The following TTC28 variants were observed in gnomAD, a reference collection of about 807,000 sequenced individuals.
The protein encoded by TTC28 is tetratricopeptide repeat domain 28.
In TTC28, 61 loss-of-function variants were observed where a neutral mutation model predicts 198.0. That is an observed-to-expected ratio of 0.31 (90% CI 0.25 to 0.38). The LOEUF (loss-of-function observed/expected upper bound fraction) is 0.38, where lower values mean the gene tolerates loss of function less well. TTC28 is among the 10% of genes least tolerant of loss of function. TTC28 has a pLI of 1.00. For missense variants in TTC28, 2,678 were observed against 3,164.0 expected, an observed-to-expected ratio of 0.85 and a Z score of 3.69; for synonymous variants, 1,171 against 1,297.8, an observed-to-expected ratio of 0.90 and a Z score of 2.10.
intron 14 of TTC28, among the ~76,000 whole-genome samples, chr22:28,012,036 C>T (rs991582349): frequency 6.6e-6 from 1 of 152,226 alleles, no homozygotes; most frequent in Non-Finnish European, 1.5e-5. Flanking sequence ...TCCAAATAAC[C>T]TTCAGAGGAG....
chr22:28,322,398 T>C (rs1355447713), intron 2 of TTC28, among the ~76,000 whole-genome samples: 1 of 152,194 alleles, frequency 6.6e-6, no homozygotes, highest in Admixed American at 6.5e-5. Context: ...TTATCTATTA[T>C]ATAGGCTTTT....
rs577299336 is a variant in TTC28 at position 28,608,324 on chromosome 22, C to T, written c.381+21228G>A. Among the ~76,000 whole-genome samples the T allele has an allele frequency of 3.9e-5, 6 of 152,260 alleles. No individual in the cohort carries two copies. In the South Asian group the frequency reaches 1.2e-3, roughly 32 times the overall value. On this transcript the variant is annotated intron_variant, in intron 2 of 22. Coordinates refer to ENST00000397906, the MANE Select transcript of TTC28 (RefSeq NM_001145418.2). Reference sequence around the variant, plus strand: ...AAATACCCCACCCCCAGAAAATTACCACTATTTGACCTGTCTGGCAGCTTC... The same window carrying T: ...AAATACCCCACCCCCAGAAAATTACTACTATTTGACCTGTCTGGCAGCTTC...
At chr22:28,469,563 G>A (rs1462955695) in intron 2 of TTC28, among the ~76,000 whole-genome samples, 1 of 152,156 alleles carries the variant, frequency 6.6e-6, no homozygotes, top group East Asian at 1.9e-4. Flanking sequence ...GGGAGGCAGA[G>A]GGAGATTTTA....
At position 28,526,408 on chromosome 22, in the gene TTC28, T is replaced by TAAAAAATAACTATTTGAAGGC. The variant is rs2049004918; in HGVS notation, c.381+103123_381+103143dup. Among the ~76,000 whole-genome samples the TAAAAAATAACTATTTGAAGGC allele has an allele frequency of 3.9e-5, 6 of 152,294 alleles. No individual in the cohort carries two copies. In the South Asian group the frequency reaches 1.2e-3, roughly 32 times the overall value. ...ACATTACAAATTCTGAACAAAGTAT[T>TAAAAAATAACTATTTGAAGGC]AAAAAATAACTATTTGAAGGCAAAG... On this transcript the variant is annotated intron_variant, in intron 2 of 22. Transcript: ENST00000397906.
chr22:28,092,465 G>A (rs1478604278), intron 12 of TTC28, among the ~76,000 whole-genome samples: 1 of 152,166 alleles, frequency 6.6e-6, no homozygotes, highest in African/African-American at 2.4e-5. Flanking sequence ...CTTTTCAGTG[G>A]GACCTTGTGT....
At chr22:28,138,238 G>A (rs2146980902) in intron 6 of TTC28, among the ~76,000 whole-genome samples, 1 of 152,194 alleles carries the variant, frequency 6.6e-6, no homozygotes, top group African/African-American at 2.4e-5. Context: ...ATCTGACACA[G>A]AAATCATTAT....
At chr22:27,996,839 A>G (rs1937561977) in intron 16 of TTC28, among the ~76,000 whole-genome samples, 1 of 152,218 alleles carries the variant, frequency 6.6e-6, no homozygotes. Flanking sequence ...TCATGTAGGG[A>G]AAGGGTTTTC....
At chr22:28,674,695 TGTA>T (rs2051950918) in intron 1 of TTC28, among the ~76,000 whole-genome samples, 3 of 151,734 alleles carry the variant, frequency 2.0e-5, no homozygotes, top group Admixed American at 2.0e-4. Context: ...GGTGCACATC[TGTA>T]ATCCCAACTA....
intron 2 of TTC28, among the ~76,000 whole-genome samples, chr22:28,318,380 G>GT (rs1190356546): frequency 6.6e-6 from 1 of 152,162 alleles, no homozygotes; most frequent in East Asian, 1.9e-4. Context: ...TTTGCACCCA[G>GT]TAAGTGCATC....
chr22:28,635,502 A>G (rs1479839870), intron 1 of TTC28, among the ~76,000 whole-genome samples: 1 of 152,204 alleles, frequency 6.6e-6, no homozygotes, highest in East Asian at 1.9e-4. Flanking sequence ...GTCAACATAT[A>G]TTAACATTGC....
intron 12 of TTC28, among the ~76,000 whole-genome samples, chr22:28,040,943 T>C (rs552071271): frequency 4.5e-4 from 69 of 151,998 alleles, no homozygotes; most frequent in African/African-American, 1.4e-3. Flanking sequence ...ACACCAATAA[T>C]AGACAAACAG....
chr22:28,357,920 C>T (rs2046103214), intron 2 of TTC28, among the ~76,000 whole-genome samples: 1 of 152,010 alleles, frequency 6.6e-6, no homozygotes, highest in South Asian at 2.1e-4. Flanking sequence ...CATCAAAATG[C>T]CAGATAGATA....
intron 12 of TTC28, among the ~76,000 whole-genome samples, chr22:28,043,773 G>C (rs1326137030): frequency 1.3e-5 from 2 of 152,138 alleles, no homozygotes; most frequent in Admixed American, 6.5e-5. Context: ...TGTGTCCTCA[G>C]GGACCTGTGT....
chr22:28,575,007 G>A (rs2050123570), intron 2 of TTC28, among the ~76,000 whole-genome samples: 1 of 152,014 alleles, frequency 6.6e-6, no homozygotes, highest in Non-Finnish European at 1.5e-5. Context: ...TGTTTCCTTT[G>A]CTGTGCAGAA....
intron 2 of TTC28, among the ~76,000 whole-genome samples, chr22:28,620,996 A>C (rs2050985868): frequency 1.3e-5 from 2 of 152,302 alleles, no homozygotes; most frequent in East Asian, 3.9e-4. Context: ...ATTTAAAGAG[A>C]ACCCATTTTT....
intron 4 of TTC28, among the ~76,000 whole-genome samples, chr22:28,297,282 G>C (rs2145783080): frequency 1.3e-5 from 2 of 152,014 alleles, no homozygotes; most frequent in Non-Finnish European, 2.9e-5. Flanking sequence ...CATCATCATA[G>C]CTAAGTGTAA....
At chr22:28,573,844 C>T (rs1156938816) in intron 2 of TTC28, among the ~76,000 whole-genome samples, 3 of 151,778 alleles carry the variant, frequency 2.0e-5, no homozygotes, top group African/African-American at 4.8e-5. Flanking sequence ...CACTTCCCCC[C>T]ACCCCCACTA....
chr22:28,224,777 C>T (rs1284521535), intron 5 of TTC28, among the ~76,000 whole-genome samples: 1 of 152,142 alleles, frequency 6.6e-6, no homozygotes, highest in Admixed American at 6.5e-5. Flanking sequence ...GAACTTCTTG[C>T]CCCAGCATTC....
In TTC28 at chr22:28,096,351, T is replaced by G; in HGVS notation, c.3605A>C (p.Asp1202Ala). 2 of 1,552,026 alleles carry G rather than the reference T, an allele frequency of 1.3e-6. No individual in the cohort carries two copies. The highest frequency in any genetic ancestry group is 1.7e-6 in the Non-Finnish European group (2 of 1,147,074). ...AERGRTRAFA[D>A]LLVERQTGQQ... The stretch of plus-strand genomic sequence containing the variant: ...TCCTGTTTGTCGTTCCACCAGAAGA[T>G]CAGCAAATGCCCTTGTCCGTCCCCT... Residue 1202 changes from aspartate (D) to alanine (A), a missense_variant, in exon 11 of 23, where the codon GAT (aspartate) becomes GCT (alanine). Around this residue, in one of 8 missense-constraint regions of TTC28, gnomAD observed 727 missense variants for 861.9 expected, o/e 0.84. Coordinates refer to ENST00000397906, the MANE Select transcript of TTC28 (RefSeq NM_001145418.2).
Sources: gnomAD v4.1 joint callset for allele counts (sites outside exome capture counted in the v4.1 genomes callset) on GRCh38, gnomAD v4.1.1 for gene constraint, gnomAD v4.1.1 regional missense constraint, MANE v1.5 for transcripts, NCBI Gene and HGNC (gene_info 2026-07-23, HGNC 2026-07-21) for gene names.